Variants in NAA38 observed in about 807,000 individuals in gnomAD.
NAA38 encodes the protein LSM domain containing 1.
A neutral mutation model predicts 12.6 loss-of-function variants in NAA38; 15 were observed. The observed-to-expected ratio is 1.19, with a 90% CI of 0.79 to 1.83. The LOEUF (loss-of-function observed/expected upper bound fraction) is 1.83, where lower values mean the gene tolerates loss of function less well. Ranked by LOEUF, NAA38 falls within the 40% of genes most tolerant of loss-of-function variation. NAA38 has a pLI of 0.00. For synonymous variants in NAA38, 88 were observed against 69.9 expected, an observed-to-expected ratio of 1.26 and a Z score of -1.29; for missense variants, 183 against 171.7, an observed-to-expected ratio of 1.07 and a Z score of -0.37.
upstream of NAA38, chr17:7,857,846 G>A: frequency 2.9e-6 from 4 of 1,363,704 alleles, no homozygotes; most frequent in Non-Finnish European, 3.8e-6. Context: ...GAGCGTATTC[G>A]TTCTCTGCCC....
chr17:7,858,119 C>G (rs769231375), upstream of NAA38: 2 of 1,612,736 alleles, frequency 1.2e-6, no homozygotes, highest in Admixed American at 3.3e-5. Context: ...ATCCAGTGAC[C>G]GACAGAGCAA....
At chr17:7,874,144 G>T (rs1040054362) in intron 2 of NAA38, among the ~76,000 whole-genome samples, 1 of 152,208 alleles carries the variant, frequency 6.6e-6, no homozygotes, top group Non-Finnish European at 1.5e-5. Flanking sequence ...GATAGGAAAA[G>T]AGGTGAAGAT....
chr17:7,880,004 C>G (rs900749086), intron 2 of NAA38, among the ~76,000 whole-genome samples: 1 of 150,272 alleles, frequency 6.7e-6, no homozygotes, highest in Non-Finnish European at 1.5e-5. Context: ...GACAGGCAAA[C>G]AGAGAGAGAG....
chr17:7,876,503 C>T (rs1261605027), intron 2 of NAA38, among the ~76,000 whole-genome samples: 3 of 152,166 alleles, frequency 2.0e-5, no homozygotes, highest in Non-Finnish European at 4.4e-5. Context: ...TAAATTCTTT[C>T]TTATCCCACC....
chr17:7,878,494 G>T (rs144004154), intron 2 of NAA38, among the ~76,000 whole-genome samples: 1 of 152,274 alleles, frequency 6.6e-6, no homozygotes, highest in African/African-American at 2.4e-5. Flanking sequence ...GGCCGAGGCA[G>T]GTGGATCACC....
chr17:7,881,943 G>T (rs532294322), intron 2 of NAA38, among the ~76,000 whole-genome samples: 168 of 151,698 alleles, frequency 1.1e-3, no homozygotes, highest in African/African-American at 3.9e-3. Flanking sequence ...GAGCAGACAG[G>T]CAGGCAGGCA....
At chr17:7,870,888 CAAAAA>C (rs34959751) in intron 2 of NAA38, among the ~76,000 whole-genome samples, 1 of 122,928 alleles carries the variant, frequency 8.1e-6, no homozygotes, top group African/African-American at 3.0e-5. Context: ...GACTCCACCT[CAAAAA>C]AAAAAAAAAA....
At chr17:7,869,742 GAC>G (rs925105153) in intron 2 of NAA38, among the ~76,000 whole-genome samples, 4 of 151,968 alleles carry the variant, frequency 2.6e-5, no homozygotes, top group Non-Finnish European at 5.9e-5. Context: ...CAGCCCGGGT[GAC>G]AGAGCAAGAC....
chr17:7,879,468 TCTAA>T (rs1408750640), intron 2 of NAA38, among the ~76,000 whole-genome samples: 4 of 152,128 alleles, frequency 2.6e-5, no homozygotes, highest in Admixed American at 2.0e-4. Flanking sequence ...GGAGAAAGTT[TCTAA>T]CTTTCTACGA....
chr17:7,858,526 C>T (rs373275739), upstream of NAA38: 16 of 1,613,422 alleles, frequency 9.9e-6, 1 homozygote, highest in African/African-American at 2.1e-4. Flanking sequence ...AAATGGAGAG[C>T]GGGGATGGGA....
intron 2 of NAA38, among the ~76,000 whole-genome samples, chr17:7,872,020 G>T (rs754232962): frequency 2.6e-5 from 4 of 152,128 alleles, no homozygotes; most frequent in African/African-American, 9.7e-5. Context: ...CAATAATTTT[G>T]TAAGCCCTGG....
At chr17:7,860,128 TAGGTACTTC>T (rs2078872129), upstream of NAA38, 1 of 161,798 alleles carries the variant, frequency 6.2e-6, no homozygotes, top group Non-Finnish European at 1.3e-5. Context: ...GATATTATAC[TAGGTACTTC>T]ATATACCCTC....
At chr17:7,863,726 T>G (rs922304962) in intron 3 of NAA38, 1 of 152,140 alleles carries the variant, frequency 6.6e-6, no homozygotes, top group African/African-American at 2.4e-5. Flanking sequence ...ATTCTCCAAA[T>G]AGCCCAACCC....
chr17:7,875,358 C>CA (rs1164994347), intron 2 of NAA38, among the ~76,000 whole-genome samples: 18 of 151,674 alleles, frequency 1.2e-4, no homozygotes, highest in Non-Finnish European at 2.2e-4. Context: ...TTTTTAGAGA[C>CA]AGAGTCTCAC....
chr17:7,873,243 C>T (rs73977773), intron 2 of NAA38, among the ~76,000 whole-genome samples: 452 of 152,320 alleles, frequency 3.0e-3, no homozygotes, highest in African/African-American at 0.01. Flanking sequence ...ACAGCACTGC[C>T]TCTTTGAACA....
rs931226324 is a variant in NAA38, at chr17:7,878,800, G to C, written c.-66+4435C>G. Among the ~76,000 whole-genome samples the C allele has an allele frequency of 4.6e-5, 7 of 152,112 alleles. No homozygotes were observed. In the East Asian group the frequency reaches 1.3e-3, roughly 29 times the overall value. On this transcript the variant is annotated intron_variant, in intron 2 of 4. Transcript: ENST00000576861. ...AGTACATGTTGAAAATTTTCAGATT[G>C]TACAGTAAGTATAAAAAGTCATTTT...
chr17:7,857,322 C>A, intron 1 of NAA38, 61 bp downstream of exon 1: 1 of 1,612,682 alleles, frequency 6.2e-7, no homozygotes, highest in South Asian at 1.1e-5. Flanking sequence ...CTGCAGTTCC[C>A]CACCCCCTCC....
At chr17:7,877,241 T>G (rs1046325233) in intron 2 of NAA38, among the ~76,000 whole-genome samples, 2 of 152,200 alleles carry the variant, frequency 1.3e-5, no homozygotes, top group Middle Eastern at 3.2e-3. Flanking sequence ...GACTATTTTT[T>G]CCTGAAAGTA....
Position 7,881,398 on chromosome 17 carries a change from G to A in NAA38, c.-66+1837C>T, listed in dbSNP as rs115763959. The stretch of plus-strand genomic sequence containing the variant: ...GAAAATGGCAAAAAGACTGAGACAG[G>A]CAGACTGTCTGAGGAACCAGAAAGA... On this transcript the variant is annotated intron_variant, in intron 2 of 4. Coordinates refer to the NAA38 transcript ENST00000576861. 8.4e-3 allele frequency among the ~76,000 whole-genome samples: 1,275 copies of A among 152,114 alleles called. 22 individuals carry two copies. The highest frequency in any genetic ancestry group is 0.028 in the African/African-American group (1,174 of 41,476).
Sources: allele counts gnomAD v4.1 joint callset (sites outside exome capture counted in the v4.1 genomes callset), GRCh38; gene constraint gnomAD v4.1.1; transcripts MANE v1.5; gene names NCBI Gene and HGNC (gene_info 2026-07-23, HGNC 2026-07-21).